NLRP7: variants seen among roughly 807,000 people sequenced by gnomAD.
The protein encoded by NLRP7 is NACHT, LRR and PYD domains-containing protein 7.
Under a neutral mutation model 85.5 loss-of-function variants are expected in NLRP7, and 72 were observed. The ratio of observed to expected loss-of-function variants is 0.84; its 90% CI spans 0.70 to 1.02. NLRP7 has a LOEUF of 1.02. Ranked by LOEUF, NLRP7 falls within the 50% of genes least tolerant of loss-of-function variation. The pLI is 0.00. For synonymous variants in NLRP7, 550 were observed against 505.2 expected (o/e 1.09, Z -1.19); for missense variants, 1,243 against 1,219.5 (o/e 1.02, Z -0.29).
chr19:54,939,671 G>A lies in NLRP7; in HGVS notation c.1148C>T (p.Pro383Leu), dbSNP rs199475826. The A allele has an allele frequency of 1.3e-5, 21 of 1,612,738 alleles. No individual in the cohort carries two copies. In the East Asian group the frequency reaches 3.8e-4, roughly 29 times the overall value. Residue 383 changes from proline (P) to leucine (L), a missense_variant, in exon 4 of 10, where the codon CCG becomes CTG. This residue lies in a region of NLRP7 where 591 missense variants were observed against 563.3 expected (regional missense o/e 1.05). Transcript: ENST00000340844. ...CGTGCGGGTGAGGCAGGTGGGGACC[G>A]GGTCCTCCCCCTTCTCCATCTGCAG...
At chr19:54,955,886 A>G (rs983147466) in intron 1 of NLRP7, among the ~76,000 whole-genome samples, 6 of 152,130 alleles carry the variant, frequency 3.9e-5, no homozygotes, top group Admixed American at 3.9e-4. Context: ...TGCCTGGCTA[A>G]TTTTTGTATT....
chr19:54,938,366 G>A (rs371451102), intron 4 of NLRP7, 125 bp from the exon 5 acceptor site: 1 of 763,026 alleles, frequency 1.3e-6, no homozygotes, highest in Non-Finnish European at 2.3e-6. Flanking sequence ...AGTGTCTATA[G>A]TAAACAATAT....
At chr19:54,944,417 T>C (rs563291988) in intron 1 of NLRP7, among the ~76,000 whole-genome samples, 37 of 152,194 alleles carry the variant, frequency 2.4e-4, no homozygotes, top group Non-Finnish European at 4.6e-4. Context: ...ACACAGACAT[T>C]TGCTCACATG....
chr19:54,936,351 G>T (rs749789835), exon 6 of NLRP7: 1 of 1,614,030 alleles, frequency 6.2e-7, no homozygotes. Context: ...CCCTGCCAGG[G>T]TCAGGTGCGT....
At chr19:54,923,851 A>G in exon 10 of NLRP7, 1 of 1,614,054 alleles carries the variant, frequency 6.2e-7, no homozygotes, top group Non-Finnish European at 8.5e-7. Context: ...TGATTTCCAA[A>G]TTAGTTTCAT....
intron 1 of NLRP7, among the ~76,000 whole-genome samples, chr19:54,964,277 C>T (rs1251848911): frequency 3.9e-5 from 5 of 127,414 alleles, no homozygotes; most frequent in Non-Finnish European, 6.4e-5. Flanking sequence ...AGTGCAGTGG[C>T]GCGATCTCGG....
intron 1 of NLRP7, among the ~76,000 whole-genome samples, chr19:54,954,717 G>T (rs963893256): frequency 1.3e-5 from 2 of 151,728 alleles, no homozygotes; most frequent in African/African-American, 4.8e-5. Flanking sequence ...GTGATGGCAG[G>T]CACCTGTAAT....
intron 1 of NLRP7, among the ~76,000 whole-genome samples, chr19:54,943,892 TGTGCTGTGTCACAC>T (rs1215216841): frequency 2.6e-5 from 4 of 152,162 alleles, no homozygotes; most frequent in African/African-American, 9.7e-5. Flanking sequence ...CCCAGAAACA[TGTGCTGTGTCACAC>T]GTGGGTTTAG....
chr19:54,959,689 CCT>C (rs1157687722), intron 1 of NLRP7, among the ~76,000 whole-genome samples: 3 of 151,582 alleles, frequency 2.0e-5, no homozygotes, highest in Admixed American at 6.6e-5. Context: ...ACTCTGAGAC[CCT>C]GTTTCTACAA....
intron 9 of NLRP7, among the ~76,000 whole-genome samples, chr19:54,929,676 C>G (rs1456934887): frequency 1.3e-5 from 2 of 152,164 alleles, no homozygotes; most frequent in Non-Finnish European, 2.9e-5. Flanking sequence ...TGCTGAAGTC[C>G]AGGTCACTGG....
intron 9 of NLRP7, among the ~76,000 whole-genome samples, chr19:54,925,276 C>T (rs141092769): frequency 2.1e-3 from 313 of 152,232 alleles, no homozygotes; most frequent in Non-Finnish European, 3.6e-3. Flanking sequence ...TTACAGACCT[C>T]GGTCCCACCA....
Position 54,940,951 on chromosome 19 carries a change from T to C in NLRP7, c.332A>G (p.Asp111Gly), listed in dbSNP as rs1331408000. 6.2e-7 allele frequency: 1 copy of C among 1,612,396 alleles called. No individual in the cohort carries two copies. Among genetic ancestry groups the C allele is most frequent in the African/African-American group, 1.3e-5 (1 of 74,920 alleles). The change falls in exon 3 of 10, where the codon GAC becomes GGC. Residue 111 changes from aspartate (D) to glycine (G), a missense_variant. Asp to Gly is a moderately conservative substitution (Grantham distance 94). This residue lies in a region of NLRP7 where 591 missense variants were observed against 563.3 expected (regional missense o/e 1.05). Coordinates refer to ENST00000340844, the Ensembl canonical transcript of NLRP7. The stretch of plus-strand genomic sequence containing the variant: ...CCCACCTGGCTTTGCTAACTCCGAG[T>C]CTTCTTCTGCATCTCCCAGCTCAGG...
intron 1 of NLRP7, among the ~76,000 whole-genome samples, chr19:54,959,141 C>CTTTTTTTTTTTTT (rs74177888): frequency 1.5e-5 from 2 of 134,672 alleles, no homozygotes; most frequent in Admixed American, 7.5e-5. Context: ...TTTTCTTTTT[C>CTTTTTTTTTTTTT]TTTTTTTTTT....
chr19:54,957,008 G>T (rs894630052), intron 1 of NLRP7, among the ~76,000 whole-genome samples: 23 of 150,282 alleles, frequency 1.5e-4, no homozygotes, highest in Admixed American at 6.0e-4. Context: ...ATGTATGTAT[G>T]TATTTATTTA....
In NLRP7 at chr19:54,934,089, G is replaced by A. The variant is rs1256285131; in HGVS notation, c.2472-350C>T. Among the ~76,000 whole-genome samples, 3 of 152,058 alleles carry A rather than the reference G, an allele frequency of 2.0e-5. No homozygotes were observed. Among genetic ancestry groups the A allele is most frequent in the South Asian group, 2.1e-4 (1 of 4,822 alleles). On this transcript the variant is annotated intron_variant, in intron 7 of 9. Coordinates refer to ENST00000340844, the Ensembl canonical transcript of NLRP7. This position sits in a 1 kb window ranked among gnomAD's most constrained non-coding sequence, Gnocchi z 6.7. The stretch of plus-strand genomic sequence containing the variant: ...CTCCTGAGTAGCTGGGACTACAGGC[G>A]CCCACCACACCTGGATAATTTTTTG...
At chr19:54,950,618 C>G (rs993191669), upstream of NLRP7, among the ~76,000 whole-genome samples, 4 of 152,120 alleles carry the variant, frequency 2.6e-5, no homozygotes, top group East Asian at 7.7e-4. Flanking sequence ...ATAAACATCT[C>G]AATGCCTTAC....
intron 1 of NLRP7, among the ~76,000 whole-genome samples, chr19:54,958,546 G>C (rs1453102332): frequency 2.0e-5 from 3 of 151,996 alleles, no homozygotes. Flanking sequence ...TCTGGAGGCT[G>C]AGGCAGGAGA....
At chr19:54,963,407 A>C (rs529750907) in intron 1 of NLRP7, among the ~76,000 whole-genome samples, 2 of 151,532 alleles carry the variant, frequency 1.3e-5, no homozygotes, top group African/African-American at 4.8e-5. Context: ...AACATGAAAA[A>C]GGCTGGGCGC....
chr19:54,945,879 T>C (rs1183066900), intron 1 of NLRP7, among the ~76,000 whole-genome samples: 1 of 151,990 alleles, frequency 6.6e-6, no homozygotes, highest in African/African-American at 2.4e-5. Flanking sequence ...AAGCTCCGCC[T>C]CCCAGGTTCA....
Sources: allele counts gnomAD v4.1 joint callset (sites outside exome capture counted in the v4.1 genomes callset), GRCh38; gene constraint gnomAD v4.1.1; regional missense constraint gnomAD v4.1.1; non-coding constraint Gnocchi (gnomAD v3.1); transcripts MANE v1.5; gene names NCBI Gene and HGNC (gene_info 2026-07-23, HGNC 2026-07-21).